The following PLXNA1 variants were observed in gnomAD, a reference collection of about 807,000 sequenced individuals.
The protein encoded by PLXNA1 is plexin-A1.
A neutral mutation model predicts 191.7 loss-of-function variants in PLXNA1; 77 were observed. The observed-to-expected ratio is 0.40, with a 90% CI of 0.33 to 0.49. The LOEUF (loss-of-function observed/expected upper bound fraction) is 0.49, where lower values mean the gene tolerates loss of function less well. PLXNA1 is among the 20% of genes least tolerant of loss of function. PLXNA1 has a pLI of 0.63. For synonymous variants in PLXNA1, 1,137 were observed against 1,156.4 expected (o/e 0.98, Z 0.34); for missense variants, 2,110 against 2,660.2 (o/e 0.79, Z 4.55).
chr3:127,032,836 G>A lies in PLXNA1; in HGVS notation c.5595G>A (p.Glu1865=). Residue 1865 remains glutamate, a splice_region_variant and synonymous_variant, in exon 31 of 32, where the codon GAG becomes GAA. Coordinates refer to ENST00000393409, the MANE Select transcript of PLXNA1 (RefSeq NM_032242.4). ...IYSYITKYKD[E]ILAALEKDEQ... ...CCTACATCACCAAGTACAAGGATGAGGTGAACACCGTGGGAGCCCACAGGC... is the reference window on the plus strand; with the variant it reads ...CCTACATCACCAAGTACAAGGATGAAGTGAACACCGTGGGAGCCCACAGGC... 1 of 1,612,862 alleles carries A rather than the reference G, an allele frequency of 6.2e-7. No individual in the cohort carries two copies. Among genetic ancestry groups the A allele is most frequent in the Non-Finnish European group, 8.5e-7 (1 of 1,179,902 alleles).
In PLXNA1 at chr3:127,035,546, G is replaced by A. The variant is rs1227053518; in HGVS notation, c.*1529G>A. The A allele has an allele frequency of 6.6e-6, 1 of 152,626 alleles. No homozygotes were observed. Among genetic ancestry groups the A allele is most frequent in the African/African-American group, 2.4e-5 (1 of 41,450 alleles). The allele number at this position is 152,626 out of a possible 1,614,324, so 9.5% of individuals were successfully genotyped here. A position where few individuals can be genotyped will look rare whatever the true frequency, so the allele number is the denominator to read the frequency against. On this transcript the variant is annotated 3_prime_UTR_variant, in exon 32 of 32. Coordinates refer to ENST00000393409, the MANE Select transcript of PLXNA1 (RefSeq NM_032242.4). ...ATGATTGTGCTAGCGTTTAGTCTGA[G>A]TTGATCTTTTTAAAACTGCAAGTGT...
In PLXNA1 at chr3:127,032,370, TG is replaced by T. The variant is rs1453093209; in HGVS notation, c.5232-15del. On this transcript the variant is annotated splice_polypyrimidine_tract_variant and intron_variant, in intron 29 of 31. Transcript: ENST00000393409. ...AGCAGAGGCCTATCTGAGCAGCGCC[TG>T]GACTCTCGCCTGCAGCCTGCCCCTG... 6.2e-7 allele frequency: 1 copy of T among 1,612,428 alleles called. No individual in the cohort carries two copies. Among genetic ancestry groups the T allele is most frequent in the East Asian group, 2.2e-5 (1 of 44,880 alleles).
At position 127,030,225 on chromosome 3, in the gene PLXNA1, C is replaced by T. The variant is rs1243653630; in HGVS notation, c.5062-18C>T. 6.2e-7 allele frequency: 1 copy of T among 1,610,650 alleles called. No homozygotes were observed. Among genetic ancestry groups the T allele is most frequent in the Non-Finnish European group, 8.5e-7 (1 of 1,177,958 alleles). On this transcript the variant is annotated intron_variant, in intron 28 of 31. Coordinates refer to ENST00000393409, the MANE Select transcript of PLXNA1 (RefSeq NM_032242.4). Reference sequence around the variant, plus strand: ...AGGCAGCGCCCTGGGGCTCAGTGTCCCTGCCTGCCCCCCGCAGGGCACACT... The same window carrying T: ...AGGCAGCGCCCTGGGGCTCAGTGTCTCTGCCTGCCCCCCGCAGGGCACACT...
In PLXNA1 at chr3:127,034,788, A is replaced by C. The variant is rs1171326660; in HGVS notation, c.*771A>C. ...CCTCAGGGCTGTGCCTCTGGGAGCC[A>C]CTGGGCCAGGGGCCCCGGGTCGCAG... is the stretch of plus-strand genomic sequence containing the variant. On this transcript the variant is annotated 3_prime_UTR_variant, in exon 32 of 32. Transcript: ENST00000393409. The C allele has an allele frequency of 6.5e-6, 1 of 152,672 alleles. No individual in the cohort carries two copies. Among genetic ancestry groups the C allele is most frequent in the Non-Finnish European group, 1.5e-5 (1 of 68,060 alleles). The allele number at this position is 152,672 out of a possible 1,614,324, so 9.5% of individuals were successfully genotyped here.
intron 8 of PLXNA1, among the ~76,000 whole-genome samples, 157 bp from the exon 9 acceptor site, chr3:127,007,642 G>A (rs2079075288): frequency 6.6e-6 from 1 of 152,120 alleles, no homozygotes; most frequent in African/African-American, 2.4e-5. Context: ...CCACATTCAG[G>A]TTTGGGGGAA....
intron 20 of PLXNA1, among the ~76,000 whole-genome samples, chr3:127,019,447 C>T (rs999888802): frequency 2.6e-5 from 4 of 152,168 alleles, no homozygotes; most frequent in Non-Finnish European, 5.9e-5. Flanking sequence ...GCCTGGACCT[C>T]CCTTGTGCTC....
chr3:127,008,880 C>T (rs904503238), intron 9 of PLXNA1, among the ~76,000 whole-genome samples: 6 of 152,156 alleles, frequency 3.9e-5, no homozygotes, highest in Non-Finnish European at 7.4e-5. Context: ...CACAGGACAG[C>T]GGTGGAGGGT....
Position 127,018,506 on chromosome 3 carries a change from C to T in PLXNA1, c.3873C>T (p.Arg1291=), listed in dbSNP as rs371850441. The T allele has an allele frequency of 1.2e-5, 19 of 1,610,140 alleles. No homozygotes were observed. Among genetic ancestry groups the T allele is most frequent in the Middle Eastern group, 1.6e-4 (1 of 6,074 alleles). Reference sequence around the variant, plus strand: ...TCCAGATGGACAACCTGGAGTCCCGCGTGGCCCTCGAATGCAAGGAAGGTC... The same window carrying T: ...TCCAGATGGACAACCTGGAGTCCCGTGTGGCCCTCGAATGCAAGGAAGGTC... ...LQLQMDNLES[R]VALECKEAFA... Residue 1291 remains arginine (R), a synonymous_variant, in exon 20 of 32, where the codon CGC becomes CGT. Coordinates refer to ENST00000393409, the MANE Select transcript of PLXNA1 (RefSeq NM_032242.4).
At chr3:126,994,259 T>C (rs896856742) in intron 3 of PLXNA1, among the ~76,000 whole-genome samples, 6 of 152,080 alleles carry the variant, frequency 3.9e-5, no homozygotes, top group African/African-American at 9.7e-5. Context: ...AGTGACCCCC[T>C]CTCTGAGGAG....
chr3:127,033,855 G>C, intron 31 of PLXNA1, 67 bp from the exon 32 acceptor site: 3 of 1,387,122 alleles, frequency 2.2e-6, no homozygotes, highest in East Asian at 4.9e-5. Flanking sequence ...GGAGGCATCT[G>C]CCCTGGGCCT....
At chr3:127,023,737 C>A (rs114403997) in intron 23 of PLXNA1, among the ~76,000 whole-genome samples, 1 of 152,180 alleles carries the variant, frequency 6.6e-6, no homozygotes, top group Non-Finnish European at 1.5e-5. Flanking sequence ...GAGTCCTGGC[C>A]AGACATCCTC....
In PLXNA1 at chr3:126,989,069, A is replaced by G; in HGVS notation, c.476A>G (p.Tyr159Cys). The G allele has an allele frequency of 6.2e-7, 1 of 1,613,336 alleles. No homozygotes were observed. The highest frequency in any genetic ancestry group is 8.5e-7 in the Non-Finnish European group (1 of 1,180,002). Residue 159 changes from tyrosine to cysteine, a missense_variant, in exon 2 of 32, where the codon TAC becomes TGC. Physicochemically the swap from Tyr to Cys is radical, Grantham distance 194 (BLOSUM62 -2). This residue lies in a region of PLXNA1 where 903 missense variants were observed against 1,015.7 expected (regional missense o/e 0.89). Transcript: ENST00000393409. The stretch of plus-strand genomic sequence containing the variant: ...GAGCCACACCACCGTAAGGAGCACT[A>G]CCTGTCCAGCGTGCAGGAGGCAGGC... ...LGEPHHRKEH[Y>C]LSSVQEAGSM...
At chr3:127,025,898 C>G (rs140558003) in intron 23 of PLXNA1, among the ~76,000 whole-genome samples, 111 of 152,332 alleles carry the variant, frequency 7.3e-4, no homozygotes, top group African/African-American at 2.6e-3. Flanking sequence ...CAACCCAAAT[C>G]CTTTTCATTC....
chr3:127,032,008 CT>C (rs2079213969), intron 29 of PLXNA1: 1 of 228,166 alleles, frequency 4.4e-6, no homozygotes, highest in African/African-American at 2.3e-5. Context: ...AATGGGTCCC[CT>C]GGGCCGGAGC....
chr3:127,030,391 G>A lies in PLXNA1; in HGVS notation c.5210G>A (p.Arg1737His), dbSNP rs778893752. ...DKHQIHDADVRHTWKSNCLPL... is the reference protein window; with the variant it reads ...DKHQIHDADVHHTWKSNCLPL... ...CACCAGATCCACGATGCTGACGTGC[G>A]CCACACCTGGAAGAGCAACTGGTAA... Residue 1737 changes from arginine (R) to histidine (H), a missense_variant, in exon 29 of 32, where the codon CGC (arginine) becomes CAC (histidine). By Grantham distance (29) the Arg-to-His change is conservative (BLOSUM62 0). Transcript: ENST00000393409. 1.1e-5 allele frequency: 17 copies of A among 1,613,790 alleles called. No homozygotes were observed. Among genetic ancestry groups the A allele is most frequent in the African/African-American group, 1.3e-5 (1 of 74,946 alleles).
At chr3:126,984,826 G>C (rs1464523587) in intron 1 of PLXNA1, among the ~76,000 whole-genome samples, 1 of 152,242 alleles carries the variant, frequency 6.6e-6, no homozygotes, top group Non-Finnish European at 1.5e-5. Flanking sequence ...CCCGTGCACA[G>C]AGCAGCTTAG....
rs368741994 is a variant in PLXNA1, at chr3:127,003,377, C to T, written c.1425C>T (p.Tyr475=). ...SNPGGRPALA[Y]ESVVAQEGSP... The stretch of plus-strand genomic sequence containing the variant: ...CCGGTGGCCGGCCTGCCCTGGCCTA[C>T]GAGAGCGTCGTGGCCCAGGAGGGCA... The change falls in exon 4 of 32, where the codon TAC becomes TAT. Residue 475 remains tyrosine (Y), a synonymous_variant. Coordinates refer to ENST00000393409, the MANE Select transcript of PLXNA1 (RefSeq NM_032242.4). 3.6e-5 allele frequency: 58 copies of T among 1,611,774 alleles called. No homozygotes were observed. The highest frequency in any genetic ancestry group is 8.3e-5 in the Admixed American group (5 of 59,962).
chr3:127,024,517 G>A (rs1027214091), intron 23 of PLXNA1, among the ~76,000 whole-genome samples: 1 of 152,186 alleles, frequency 6.6e-6, no homozygotes, highest in African/African-American at 2.4e-5. Context: ...GGGAGGCAGG[G>A]GTGACCATTT....
At chr3:127,000,128 G>T (rs1236539423) in intron 3 of PLXNA1, among the ~76,000 whole-genome samples, 7 of 151,952 alleles carry the variant, frequency 4.6e-5, no homozygotes, top group Non-Finnish European at 1.0e-4. Flanking sequence ...TGCATGGGCA[G>T]CGCCAGCTCC....
Sources: allele counts gnomAD v4.1 joint callset (sites outside exome capture counted in the v4.1 genomes callset), GRCh38; gene constraint gnomAD v4.1.1; regional missense constraint gnomAD v4.1.1; transcripts MANE v1.5; gene names NCBI Gene and HGNC (gene_info 2026-07-23, HGNC 2026-07-21).